The following MTR variants were observed in gnomAD, a reference collection of about 807,000 sequenced individuals.
MTR encodes the protein 5-methyltetrahydrofolate-homocysteine methyltransferase.
Under a neutral mutation model 154.8 loss-of-function variants are expected in MTR, and 84 were observed. The observed-to-expected ratio is 0.54, with a 90% confidence interval of 0.45 to 0.65. The LOEUF is 0.65. Among genes scored for constraint, MTR ranks in the 30% least tolerant of loss-of-function variants. MTR has a pLI of 0.00. For synonymous variants in MTR, 554 were observed against 553.9 expected, an observed-to-expected ratio of 1.00 and a Z score of 0.00; for missense variants, 1,275 against 1,570.2, an observed-to-expected ratio of 0.81 and a Z score of 3.18.
At chr1:236,828,184 A>T (rs1034587005) in intron 11 of MTR, among the ~76,000 whole-genome samples, 1 of 152,090 alleles carries the variant, frequency 6.6e-6, no homozygotes, top group African/African-American at 2.4e-5. Context: ...TCACCTCGTT[A>T]GCCAGGATGG....
intron 29 of MTR, among the ~76,000 whole-genome samples, chr1:236,892,694 C>G (rs978078575): frequency 9.2e-5 from 14 of 152,270 alleles, no homozygotes; most frequent in African/African-American, 3.1e-4. Flanking sequence ...GCTCGGACGC[C>G]ACAGAATATA....
At chr1:236,857,636 C>G (rs971133316) in intron 18 of MTR, among the ~76,000 whole-genome samples, 1 of 152,224 alleles carries the variant, frequency 6.6e-6, no homozygotes, top group African/African-American at 2.4e-5. Context: ...ATTCATTTGA[C>G]TGAACTTAGA....
chr1:236,879,188 A>G (rs916415027), intron 24 of MTR, among the ~76,000 whole-genome samples: 3 of 152,214 alleles, frequency 2.0e-5, no homozygotes, highest in Admixed American at 2.0e-4. Flanking sequence ...GAGGAATGTA[A>G]AGTACAATTG....
chr1:236,897,822 C>A lies in MTR; in HGVS notation c.*178C>A, dbSNP rs1286563156. On this transcript the variant is annotated 3_prime_UTR_variant, in exon 33 of 33. Transcript: ENST00000366577. ...AGAGGAGCAGGGTCTTCCTGCAGTG[C>A]CTGGAAAACAGGCGCTGTTTTTTTG... 3 of 631,950 alleles carry A rather than the reference C, an allele frequency of 4.7e-6. No individual in the cohort carries two copies. Among genetic ancestry groups the A allele is most frequent in the Non-Finnish European group, 8.2e-6 (3 of 363,820 alleles). The allele number at this position is 631,950 out of a possible 1,614,324, so 39.1% of individuals were successfully genotyped here.
At chr1:236,819,078 A>G (rs992365402) in intron 8 of MTR, among the ~76,000 whole-genome samples, 3 of 152,158 alleles carry the variant, frequency 2.0e-5, no homozygotes, top group Non-Finnish European at 4.4e-5. Context: ...GGTGTGGTAC[A>G]CCTATTACAA....
chr1:236,860,003 T>A, intron 19 of MTR, 81 bp downstream of exon 19: 1 of 1,241,152 alleles, frequency 8.1e-7, no homozygotes, highest in Non-Finnish European at 1.2e-6. Flanking sequence ...TGACAGTAGC[T>A]GGAGAAGGAG....
In MTR at chr1:236,897,012, G is replaced by T; in HGVS notation, c.3605G>T (p.Arg1202Met). 4 of 1,613,130 alleles carry T rather than the reference G, an allele frequency of 2.5e-6. No homozygotes were observed. Among genetic ancestry groups the T allele is most frequent in the Non-Finnish European group, 3.4e-6 (4 of 1,179,096 alleles). Residue 1202 changes from arginine to methionine, a missense_variant, in exon 32 of 33, where the codon AGG becomes ATG. Physicochemically the swap from Arg to Met is moderately conservative, Grantham distance 91 (BLOSUM62 -1). Transcript: ENST00000366577. ...CCTGTGTTGCTCCCTCTAGGCATTA[G>T]GTTAACAGAATCATTAGCAATGGCA... Reference protein sequence around the residue: ...LADIEQSTGIRLTESLAMAPA... With the variant: ...LADIEQSTGIMLTESLAMAPA...
rs1572261181 is a variant in MTR at position 236,850,151 on chromosome 1, C to T, written c.1516-193C>T. 2.0e-5 allele frequency among the ~76,000 whole-genome samples: 3 copies of T among 152,178 alleles called. No homozygotes were observed. The South Asian group carries it at 6.2e-4, about 32-fold the overall frequency. On this transcript the variant is annotated intron_variant, in intron 15 of 32. Transcript: ENST00000366577. ...TAATTTGATAAGTGATCGGAAGCTG[C>T]TTGGCATTTAGATTTCTGTGAAATC...
At chr1:236,891,900 A>G (rs982906160) in intron 29 of MTR, among the ~76,000 whole-genome samples, 3 of 152,012 alleles carry the variant, frequency 2.0e-5, no homozygotes, top group Admixed American at 6.5e-5. Flanking sequence ...GGGCCCCCCA[A>G]TATAGAGAGG....
rs1440272741 is a variant in MTR, at chr1:236,800,250, A to G, written c.35-3178A>G. The G allele has an allele frequency of 5.1e-6, 5 of 985,292 alleles. No individual in the cohort carries two copies. The African/African-American group carries it at 7.0e-5, about 14-fold the overall frequency. The allele number at this position is 985,292 out of a possible 1,614,324, so 61.0% of individuals were successfully genotyped here. On this transcript the variant is annotated intron_variant, in intron 1 of 32. Transcript: ENST00000366577. The stretch of plus-strand genomic sequence containing the variant: ...ATTGATTAATCATTTTGCCGATGCC[A>G]AAGGACATACTTCACTGTCTGTGGA...
At chr1:236,879,240 T>C (rs936643148) in intron 24 of MTR, among the ~76,000 whole-genome samples, 1 of 152,240 alleles carries the variant, frequency 6.6e-6, no homozygotes, top group African/African-American at 2.4e-5. Flanking sequence ...CTAACCCCCA[T>C]AACCAGTGTG....
intron 1 of MTR, among the ~76,000 whole-genome samples, chr1:236,799,269 A>G (rs776773703): frequency 2.0e-5 from 3 of 151,626 alleles, no homozygotes; most frequent in African/African-American, 7.3e-5. Context: ...CTACAGGTGC[A>G]TACTACCAGG....
chr1:236,874,665 TTTTC>T, intron 23 of MTR, 57 bp from the exon 24 acceptor site: 5 of 1,402,442 alleles, frequency 3.6e-6, no homozygotes, highest in East Asian at 2.5e-5. Context: ...TCCTTTTCCT[TTTTC>T]TTTCATCTTC....
At chr1:236,893,588 C>T (rs1666455155) in intron 29 of MTR, among the ~76,000 whole-genome samples, 1 of 152,190 alleles carries the variant, frequency 6.6e-6, no homozygotes, top group Non-Finnish European at 1.5e-5. Flanking sequence ...CAAGAGCAGG[C>T]ATACAGTAAC....
Position 236,838,594 on chromosome 1 carries a change from G to A in MTR, c.1510G>A (p.Gly504Arg). The change falls in exon 15 of 33, where the codon GGA becomes AGA. Residue 504 changes from glycine (G) to arginine (R), a missense_variant. Transcript: ENST00000366577. ...AMVVMAFDEEGQATETDTKIR... is the reference protein window; with the variant it reads ...AMVVMAFDEERQATETDTKIR... ...GGTGGTCATGGCTTTTGATGAAGAA[G>A]GACAGGTGAGTGGTTTCTTTTGGCC... 4 of 1,614,042 alleles carry A rather than the reference G, an allele frequency of 2.5e-6. No homozygotes were observed. Among genetic ancestry groups the A allele is most frequent in the Non-Finnish European group, 2.5e-6 (3 of 1,179,962 alleles).
chr1:236,802,892 A>G (rs1253921163), intron 1 of MTR, among the ~76,000 whole-genome samples: 1 of 152,110 alleles, frequency 6.6e-6, no homozygotes, highest in Non-Finnish European at 1.5e-5. Context: ...GTCAAGGAGC[A>G]TGGGGAGAGT....
At chr1:236,835,153 C>A (rs1662833271) in intron 13 of MTR, among the ~76,000 whole-genome samples, 1 of 151,660 alleles carries the variant, frequency 6.6e-6, no homozygotes, top group Non-Finnish European at 1.5e-5. Flanking sequence ...GGATTGCGTT[C>A]CAAGCAGAGG....
intron 22 of MTR, among the ~76,000 whole-genome samples, chr1:236,872,613 T>A (rs1665197715): frequency 6.6e-6 from 1 of 152,180 alleles, no homozygotes; most frequent in Non-Finnish European, 1.5e-5. Flanking sequence ...CTAGACAGAT[T>A]GCTTAATTTC....
rs748276490 is a variant in MTR at position 236,891,309 on chromosome 1, T to C, written c.3184T>C (p.Phe1062Leu). ...VPQAAEPIAT[F>L]YGLRQQAEKD... The stretch of plus-strand genomic sequence containing the variant: ...CCAGGCTGCAGAGCCCATAGCCACC[T>C]TCTATGGGTTAAGGCAACAGGTATG... The change falls in exon 29 of 33, where the codon TTC becomes CTC. Residue 1062 changes from phenylalanine (F) to leucine (L), a missense_variant. Phe to Leu is a conservative substitution (Grantham distance 22). Coordinates refer to ENST00000366577, the MANE Select transcript of MTR (RefSeq NM_000254.3). 1 of 1,614,108 alleles carries C rather than the reference T, an allele frequency of 6.2e-7. No homozygotes were observed. The highest frequency in any genetic ancestry group is 2.2e-5 in the East Asian group (1 of 44,874).
Sources: allele counts gnomAD v4.1 joint callset (sites outside exome capture counted in the v4.1 genomes callset), GRCh38; gene constraint gnomAD v4.1.1; transcripts MANE v1.5; gene names NCBI Gene and HGNC (gene_info 2026-07-23, HGNC 2026-07-21).